Variants in MCTP2 observed in about 807,000 individuals in gnomAD.
The protein encoded by MCTP2 is multiple C2 and transmembrane domain containing 2, also known as multiple C2 and transmembrane domain-containing protein 2.
Under a neutral mutation model 111.6 loss-of-function variants are expected in MCTP2, and 132 were observed. The observed-to-expected ratio is 1.18, with a 90% CI of 1.03 to 1.37. The LOEUF (loss-of-function observed/expected upper bound fraction) is 1.37, where lower values mean the gene tolerates loss of function less well. Ranked by LOEUF, MCTP2 falls within the 40% of genes most tolerant of loss-of-function variation. The pLI, the probability that MCTP2 is intolerant of heterozygous loss-of-function variation, is 0.00. For synonymous variants in MCTP2, 395 were observed against 387.7 expected (o/e 1.02, Z -0.22); for missense variants, 1,183 against 1,067.9 (o/e 1.11, Z -1.50).
intron 8 of MCTP2, among the ~76,000 whole-genome samples, chr15:94,350,713 A>G (rs1033103487): frequency 1.3e-5 from 2 of 152,242 alleles, no homozygotes; most frequent in African/African-American, 4.8e-5. Context: ...AATATAGAAC[A>G]ATAGAGAAGT....
intron 14 of MCTP2, among the ~76,000 whole-genome samples, chr15:94,395,369 A>G (rs1231588898): frequency 6.6e-6 from 1 of 152,204 alleles, no homozygotes; most frequent in Non-Finnish European, 1.5e-5. Flanking sequence ...ATGACCCTTT[A>G]GTTTGGATTT....
intron 2 of MCTP2, among the ~76,000 whole-genome samples, chr15:94,300,439 G>A (rs1264790283): frequency 1.3e-5 from 2 of 151,358 alleles, no homozygotes; most frequent in Non-Finnish European, 2.9e-5. Flanking sequence ...GAACGCGGGA[G>A]GTAGAACCTG....
intron 1 of MCTP2, among the ~76,000 whole-genome samples, chr15:94,286,568 A>AGTG (rs1309696909): frequency 6.6e-6 from 1 of 152,178 alleles, no homozygotes; most frequent in Non-Finnish European, 1.5e-5. Context: ...AATCCGAGTC[A>AGTG]GTGTTACTGA....
At chr15:94,319,958 G>T (rs74028528) in intron 4 of MCTP2, among the ~76,000 whole-genome samples, 2,442 of 152,182 alleles carry the variant, frequency 0.016, 67 homozygotes, top group African/African-American at 0.053. Flanking sequence ...TTTCAATACA[G>T]ACTCAGATGG....
intron 4 of MCTP2, among the ~76,000 whole-genome samples, chr15:94,336,599 C>T (rs545284298): frequency 6.6e-6 from 1 of 151,926 alleles, no homozygotes; most frequent in African/African-American, 2.4e-5. Flanking sequence ...GAAACAAGGG[C>T]TGTCACATGG....
chr15:94,434,136 C>T (rs1186557715), intron 17 of MCTP2, among the ~76,000 whole-genome samples: 1 of 151,602 alleles, frequency 6.6e-6, no homozygotes, highest in East Asian at 1.9e-4. Flanking sequence ...CTGTCTCACT[C>T]TGTCACCCAG....
At chr15:94,400,681 T>G (rs1295423579) in intron 16 of MCTP2, among the ~76,000 whole-genome samples, 1 of 151,918 alleles carries the variant, frequency 6.6e-6, no homozygotes, top group Non-Finnish European at 1.5e-5. Flanking sequence ...AGCTCAGGAT[T>G]TCACTTTGTA....
At chr15:94,245,405 TATATTTATATAC>T (rs1387892500) in intron 1 of MCTP2, among the ~76,000 whole-genome samples, 40 of 53,232 alleles carry the variant, frequency 7.5e-4, no homozygotes, top group African/African-American at 2.5e-3. Flanking sequence ...CATGTGTGTA[TATATTTATATAC>T]ATGTGTGTAT....
chr15:94,289,999 A>G (rs2074958722), intron 1 of MCTP2, among the ~76,000 whole-genome samples: 1 of 152,188 alleles, frequency 6.6e-6, no homozygotes, highest in South Asian at 2.1e-4. Flanking sequence ...TTGAAGATGG[A>G]GAAAGGGGTC....
Position 94,458,167 on chromosome 15 carries a change from A to C in MCTP2, c.2281A>C (p.Ile761Leu), listed in dbSNP as rs756927461. 6 of 1,611,624 alleles carry C rather than the reference A, an allele frequency of 3.7e-6. No individual in the cohort carries two copies. The highest frequency in any genetic ancestry group is 5.1e-6 in the Non-Finnish European group (6 of 1,177,774). Residue 761 changes from isoleucine (I) to leucine (L), a missense_variant, in exon 20 of 23, where the codon ATC (isoleucine) becomes CTC (leucine). Coordinates refer to ENST00000357742, the MANE Select transcript of MCTP2 (RefSeq NM_001385001.1). ...TGAGAAAAAGGGGTTGATTGAAAGAATCTATATGGTACAGGATATTGTTTC... is the reference window on the plus strand; with the variant it reads ...TGAGAAAAAGGGGTTGATTGAAAGACTCTATATGGTACAGGATATTGTTTC... The part of the protein sequence containing the change: ...ESEKKGLIER[I>L]YMVQDIVSTV...
chr15:94,401,844 A>T (rs1343635199), intron 16 of MCTP2, 56 bp from the exon 17 acceptor site: 2 of 1,409,670 alleles, frequency 1.4e-6, no homozygotes, highest in African/African-American at 2.9e-5. Context: ...CCTGATCTAG[A>T]TGGAATATTT....
At position 94,482,896 on chromosome 15, in the gene MCTP2, C is replaced by G. The variant is rs1050851923; in HGVS notation, c.*3862C>G. 5.9e-5 allele frequency: 9 copies of G among 152,154 alleles called. No homozygotes were observed. Among genetic ancestry groups the G allele is most frequent in the African/African-American group, 2.2e-4 (9 of 41,422 alleles). The allele number at this position is 152,154 out of a possible 1,614,324, so 9.4% of individuals were successfully genotyped here. ...ATAATATCAAATGCCGCTGAGATCA[C>G]ATAAGTACAGAATCATGACCTTAAT... On this transcript the variant is annotated 3_prime_UTR_variant, in exon 23 of 23. Transcript: ENST00000357742.
At position 94,371,013 on chromosome 15, in the gene MCTP2, G is replaced by A. The variant is rs550696902; in HGVS notation, c.1582+833G>A. Among the ~76,000 whole-genome samples, 305 of 151,852 alleles carry A rather than the reference G, an allele frequency of 2.0e-3. 1 individual carries two copies. The highest frequency in any genetic ancestry group is 3.8e-3 in the Non-Finnish European group (259 of 67,960). ...AGACAGGAACAATTTCACTATATTC[G>A]TACAGCCTCTAAATTTCTGAGACTG... On this transcript the variant is annotated intron_variant, in intron 12 of 22. Coordinates refer to ENST00000357742, the MANE Select transcript of MCTP2 (RefSeq NM_001385001.1).
At position 94,367,681 on chromosome 15, in the gene MCTP2, G is replaced by A. The variant is rs1483491869; in HGVS notation, c.1378G>A (p.Ala460Thr). The change falls in exon 11 of 23, where the codon GCT becomes ACT. Residue 460 changes from alanine to threonine, a missense_variant. Ala to Thr is a moderately conservative substitution (Grantham distance 58, BLOSUM62 0). Transcript: ENST00000357742. ...GCTGCCACTGGACAGCTGTCTGGGG[G>A]CTCTCCTTATGTTGGTCACACTTAC... ...LELPLDSCLG[A>T]LLMLVTLTPC... 3 of 1,612,044 alleles carry A rather than the reference G, an allele frequency of 1.9e-6. No homozygotes were observed. Among genetic ancestry groups the A allele is most frequent in the East Asian group, 2.2e-5 (1 of 44,618 alleles).
intron 1 of MCTP2, among the ~76,000 whole-genome samples, chr15:94,287,486 T>G (rs1596273663): frequency 6.6e-6 from 1 of 152,202 alleles, no homozygotes. Flanking sequence ...TTTGTGTTTA[T>G]ATGTTTATAA....
At chr15:94,477,414 T>A (rs1001972581) in intron 22 of MCTP2, among the ~76,000 whole-genome samples, 1 of 152,070 alleles carries the variant, frequency 6.6e-6, no homozygotes, top group Non-Finnish European at 1.5e-5. Context: ...TACACAGAGA[T>A]TAACGAAGGC....
chr15:94,468,030 C>G (rs998661837), intron 20 of MCTP2, among the ~76,000 whole-genome samples: 6 of 152,136 alleles, frequency 3.9e-5, no homozygotes, highest in Admixed American at 2.0e-4. Flanking sequence ...CAAGGAAAAA[C>G]TGATAAATTT....
chr15:94,435,582 A>G (rs1207068544), intron 17 of MCTP2, among the ~76,000 whole-genome samples: 1 of 149,476 alleles, frequency 6.7e-6, no homozygotes, highest in Admixed American at 6.7e-5. Context: ...GATTTTGTAC[A>G]TTTAAAAAAT....
intron 17 of MCTP2, chr15:94,402,605 A>C (rs1445398042): frequency 1.3e-6 from 2 of 1,550,722 alleles, no homozygotes; most frequent in Non-Finnish European, 1.7e-6. Flanking sequence ...TCTTAAAACC[A>C]CCTAAGTCTA....
Sources: allele counts gnomAD v4.1 joint callset (sites outside exome capture counted in the v4.1 genomes callset), GRCh38; gene constraint gnomAD v4.1.1; transcripts MANE v1.5; gene names NCBI Gene and HGNC (gene_info 2026-07-23, HGNC 2026-07-21).